CNOT7: variants seen among roughly 807,000 people sequenced by gnomAD.
CNOT7 encodes CCR4-NOT transcription complex subunit 7.
Under a neutral mutation model 37.1 loss-of-function variants are expected in CNOT7, and 4 were observed. That is an observed-to-expected ratio of 0.11 (90% CI 0.05 to 0.25). CNOT7 has a LOEUF of 0.25. CNOT7 is among the 10% of genes least tolerant of loss of function. The probability of loss-of-function intolerance (pLI) is 1.00; values close to 1 mark genes in which losing one functional copy is unlikely to be tolerated. For missense variants in CNOT7, 170 were observed against 336.2 expected, an observed-to-expected ratio of 0.51 and a Z score of 3.87; for synonymous variants, 128 against 115.6, an observed-to-expected ratio of 1.11 and a Z score of -0.69.
chr8:17,232,575 T>C, intron 5 of CNOT7, 38 bp from the exon 6 acceptor site: 1 of 1,574,772 alleles, frequency 6.4e-7, no homozygotes, highest in Non-Finnish European at 8.7e-7. Flanking sequence ...AGAAGAAAAA[T>C]CTTACAAGGC....
intron 4 of CNOT7, 89 bp downstream of exon 4, chr8:17,237,123 A>G: frequency 7.7e-7 from 1 of 1,291,650 alleles, no homozygotes; most frequent in Non-Finnish European, 1.1e-6. Context: ...CCAGAATTAA[A>G]CCTGAAATTG....
Position 17,234,592 on chromosome 8 carries a change from A to T in CNOT7, c.618+124T>A, listed in dbSNP as rs954057261. The T allele has an allele frequency of 1.2e-5, 12 of 1,004,128 alleles. No homozygotes were observed. In the South Asian group the frequency reaches 1.5e-4, roughly 13 times the overall value. 62.2% of individuals were successfully genotyped at this position (1,004,128 alleles called of 1,614,324 possible). A position where few individuals can be genotyped will look rare whatever the true frequency, so the allele number is the denominator to read the frequency against. On this transcript the variant is annotated intron_variant, in intron 5 of 6. Transcript: ENST00000361272. ...AGAAAAAAAATCACATGACCAGATA[A>T]TATAATTGCATTCACTGTAATACTT... is the stretch of plus-strand genomic sequence containing the variant.
At chr8:17,232,081 G>A (rs1389221973) in intron 6 of CNOT7, 21 of 1,022,140 alleles carry the variant, frequency 2.1e-5, no homozygotes, top group Non-Finnish European at 2.4e-5. Flanking sequence ...ATGGGAGTCA[G>A]AAAAGAACTC....
In CNOT7 at chr8:17,234,853, C is replaced by A; in HGVS notation, c.481G>T (p.Asp161Tyr). 1 of 1,613,114 alleles carries A rather than the reference C, an allele frequency of 6.2e-7. No individual in the cohort carries two copies. The highest frequency in any genetic ancestry group is 1.1e-5 in the South Asian group (1 of 90,984). ...VKWLSFHSGY[D>Y]FGYLIKILTN... ...AGGATTTTGATTAAGTAGCCAAAGTCGTAACCGCTATAAAAGGGTTAAAAG... is the reference window on the plus strand; with the variant it reads ...AGGATTTTGATTAAGTAGCCAAAGTAGTAACCGCTATAAAAGGGTTAAAAG... Residue 161 changes from aspartate to tyrosine, a missense_variant, in exon 5 of 7, where the codon GAC (aspartate) becomes TAC (tyrosine). Physicochemically the swap from Asp to Tyr is radical, Grantham distance 160. This residue lies in a region of CNOT7 where 68 missense variants were observed against 151.1 expected (regional missense o/e 0.45). Transcript: ENST00000361272.
chr8:17,238,600 G>C (rs978407142), intron 3 of CNOT7, among the ~76,000 whole-genome samples: 6 of 150,906 alleles, frequency 4.0e-5, no homozygotes, highest in African/African-American at 1.5e-4. Flanking sequence ...TCAGGTCCCA[G>C]TGCTCACACT....
chr8:17,226,063 G>C lies in CNOT7; in HGVS notation c.*4657C>G, dbSNP rs1256687920. 1 of 85,502 alleles carries C rather than the reference G, an allele frequency of 1.2e-5. No homozygotes were observed. Among genetic ancestry groups the C allele is most frequent in the Non-Finnish European group, 2.5e-5 (1 of 39,924 alleles). The allele number at this position is 85,502 out of a possible 1,614,324, so 5.3% of individuals were successfully genotyped here. A position where few individuals can be genotyped will look rare whatever the true frequency, so the allele number is the denominator to read the frequency against. On this transcript the variant is annotated 3_prime_UTR_variant, in exon 7 of 7. Coordinates refer to ENST00000361272, the MANE Select transcript of CNOT7 (RefSeq NM_013354.7). ...TTTTTTTTTTTTTTTTTTGAAAAGGGCAGGTAGCAAATATTAGAGGCTTTG... is the reference window on the plus strand; with the variant it reads ...TTTTTTTTTTTTTTTTTTGAAAAGGCCAGGTAGCAAATATTAGAGGCTTTG...
chr8:17,244,780 CCTAA>C (rs1160598793), intron 2 of CNOT7: 13 of 374,078 alleles, frequency 3.5e-5, no homozygotes, highest in African/African-American at 1.7e-4. Flanking sequence ...CCAAATCCTT[CCTAA>C]CTCTTATTCA....
intron 4 of CNOT7, among the ~76,000 whole-genome samples, chr8:17,236,498 A>C (rs922232478): frequency 2.0e-5 from 3 of 152,186 alleles, no homozygotes; most frequent in Non-Finnish European, 2.9e-5. Flanking sequence ...TCATAACAAT[A>C]AAGAATTTAG....
chr8:17,245,195 T>A lies in CNOT7; in HGVS notation c.-43A>T. The stretch of plus-strand genomic sequence containing the variant: ...GTCTAGATGCCAAGCATCAAAATGT[T>A]ATACTTGATTGAAGATTTGTTTCAT... On this transcript the variant is annotated 5_prime_UTR_variant, in exon 2 of 7. It removes the in-frame stop codon of an upstream open reading frame in the 5' UTR. Coordinates refer to ENST00000361272, the MANE Select transcript of CNOT7 (RefSeq NM_013354.7). 1 of 1,546,644 alleles carries A rather than the reference T, an allele frequency of 6.5e-7. No homozygotes were observed. The highest frequency in any genetic ancestry group is 1.2e-5 in the South Asian group (1 of 82,312).
At chr8:17,233,980 G>T (rs1019049155) in intron 5 of CNOT7, among the ~76,000 whole-genome samples, 1 of 152,166 alleles carries the variant, frequency 6.6e-6, no homozygotes, top group Non-Finnish European at 1.5e-5. Context: ...CTTGAACCCG[G>T]GAGGCGGAGG....
rs148569654 is a variant in CNOT7 at position 17,245,044 on chromosome 8, C to T, written c.109G>A (p.Val37Ile). Reference sequence around the variant, plus strand: ...TCTGCTTGTGGGCATACCATAGCAACGTAATTATATTTTCGGATAACTTGA... The same window carrying T: ...TCTGCTTGTGGGCATACCATAGCAATGTAATTATATTTTCGGATAACTTGA... ...IRQVIRKYNY[V>I]AMDTEFPGVV... The change falls in exon 2 of 7, where the codon GTT (valine) becomes ATT (isoleucine). Residue 37 changes from valine (V) to isoleucine (I), a missense_variant. Coordinates refer to ENST00000361272, the MANE Select transcript of CNOT7 (RefSeq NM_013354.7). 40 of 1,612,428 alleles carry T rather than the reference C, an allele frequency of 2.5e-5. No homozygotes were observed. The highest frequency in any genetic ancestry group is 4.4e-5 in the South Asian group (4 of 90,944).
At chr8:17,245,685 A>G (rs1810880596) in intron 1 of CNOT7, among the ~76,000 whole-genome samples, 1 of 152,218 alleles carries the variant, frequency 6.6e-6, no homozygotes. Context: ...CGACTTGATA[A>G]CAAGATCTAC....
intron 3 of CNOT7, chr8:17,241,527 T>C (rs1360254557): frequency 6.6e-6 from 1 of 152,202 alleles, no homozygotes; most frequent in Non-Finnish European, 1.5e-5. Flanking sequence ...TTTGTTTATC[T>C]GACAAAGAAC....
intron 2 of CNOT7, among the ~76,000 whole-genome samples, chr8:17,244,007 A>C (rs1172040149): frequency 6.6e-6 from 1 of 152,224 alleles, no homozygotes; most frequent in Non-Finnish European, 1.5e-5. Flanking sequence ...TAAGAATAAA[A>C]ACTACCTATC....
At chr8:17,242,798 T>C (rs906193742) in intron 3 of CNOT7, 194 bp downstream of exon 3, 18 of 420,282 alleles carry the variant, frequency 4.3e-5, no homozygotes, top group Non-Finnish European at 6.7e-5. Context: ...AAATATAACA[T>C]CTTTAACATC....
At chr8:17,232,030 A>G in intron 6 of CNOT7, 1 of 1,033,102 alleles carries the variant, frequency 9.7e-7, no homozygotes, top group Non-Finnish European at 1.2e-6. Flanking sequence ...TGCTAGAATA[A>G]ACCTAATATA....
intron 3 of CNOT7, among the ~76,000 whole-genome samples, chr8:17,239,966 G>C (rs542674775): frequency 2.0e-5 from 3 of 152,232 alleles, no homozygotes; most frequent in South Asian, 4.1e-4. Flanking sequence ...GTAATTCTTA[G>C]ACTTAGGCAA....
chr8:17,226,916 C>G lies in CNOT7; in HGVS notation c.*3804G>C, dbSNP rs546483522. 1.3e-5 allele frequency: 2 copies of G among 151,402 alleles called. No individual in the cohort carries two copies. The highest frequency in any genetic ancestry group is 6.6e-5 in the Admixed American group (1 of 15,172). 9.4% of individuals were successfully genotyped at this position (151,402 alleles called of 1,614,324 possible). On this transcript the variant is annotated 3_prime_UTR_variant, in exon 7 of 7. Transcript: ENST00000361272. ...CATTCAGAAAAATTTCAATGTCAGC[C>G]CAGAGCCCAAAAAAATAAAAATAAA... is the stretch of plus-strand genomic sequence containing the variant.
rs370617159 is a variant in CNOT7 at position 17,245,168 on chromosome 8, G to C, written c.-16C>G. On this transcript the variant is annotated 5_prime_UTR_variant, in exon 2 of 7. Coordinates refer to ENST00000361272, the MANE Select transcript of CNOT7 (RefSeq NM_013354.7). ...CCGCTGGCATAGTGAGGGCACAAGG[G>C]AGTCTAGATGCCAAGCATCAAAATG... 6.3e-6 allele frequency: 10 copies of C among 1,591,622 alleles called. No homozygotes were observed. The African/African-American group carries it at 1.4e-4, about 22-fold the overall frequency.
Sources: gnomAD v4.1 joint callset for allele counts (sites outside exome capture counted in the v4.1 genomes callset) on GRCh38, gnomAD v4.1.1 for gene constraint, gnomAD v4.1.1 regional missense constraint, MANE v1.5 for transcripts, NCBI Gene and HGNC (gene_info 2026-07-23, HGNC 2026-07-21) for gene names.